SNX27: variants seen among roughly 807,000 people sequenced by gnomAD.
SNX27 encodes sorting nexin 27, also known as sorting nexin-27.
SNX27 carries 22 observed loss-of-function variants against 71.6 expected under a neutral mutation model. The observed-to-expected ratio is 0.31, with a 90% CI of 0.22 to 0.44. SNX27 has a LOEUF of 0.44. SNX27 is among the 20% of genes least tolerant of loss of function. The probability of loss-of-function intolerance (pLI) is 1.00; values close to 1 mark genes in which losing one functional copy is unlikely to be tolerated. For synonymous variants in SNX27, 269 were observed against 277.2 expected, an observed-to-expected ratio of 0.97 and a Z score of 0.29; for missense variants, 531 against 698.6, an observed-to-expected ratio of 0.76 and a Z score of 2.70.
At chr1:151,638,137 A>G (rs1405950527) in intron 1 of SNX27, among the ~76,000 whole-genome samples, 1 of 152,238 alleles carries the variant, frequency 6.6e-6, no homozygotes, top group Admixed American at 6.5e-5. Flanking sequence ...AACAGGAAGG[A>G]AAATTAGTAG....
chr1:151,681,235 C>CTTTTTTTATTTTTTTTTTTTTTTTTTT, intron 7 of SNX27, among the ~76,000 whole-genome samples: 1 of 60,700 alleles, frequency 1.6e-5, no homozygotes, highest in Admixed American at 2.2e-4. Context: ...GTCTCTCAAT[C>CTTTTTTTATTTTTTTTTTTTTTTTTTT]TTTTTTTTTT....
At chr1:151,644,924 T>C (rs1356946366) in intron 2 of SNX27, among the ~76,000 whole-genome samples, 3 of 152,028 alleles carry the variant, frequency 2.0e-5, no homozygotes, top group African/African-American at 7.2e-5. Flanking sequence ...TCAGCCCTCC[T>C]GAGTAGCTGG....
intron 2 of SNX27, among the ~76,000 whole-genome samples, chr1:151,650,947 G>A (rs1669308857): frequency 6.6e-6 from 1 of 152,180 alleles, no homozygotes. Context: ...GGATCCCAAG[G>A]CAGAAGAAGT....
At chr1:151,688,889 C>T (rs1671311258) in intron 8 of SNX27, among the ~76,000 whole-genome samples, 1 of 152,084 alleles carries the variant, frequency 6.6e-6, no homozygotes, top group African/African-American at 2.4e-5. Context: ...AATGTAGAGA[C>T]TGCCCACTTA....
chr1:151,688,130 T>C (rs764224104), intron 8 of SNX27, among the ~76,000 whole-genome samples: 5 of 152,124 alleles, frequency 3.3e-5, no homozygotes, highest in Non-Finnish European at 4.4e-5. Flanking sequence ...ACATAGTTAC[T>C]CAAAACTTAA....
At chr1:151,668,696 C>A in intron 7 of SNX27, 61 bp downstream of exon 7, 1 of 1,502,116 alleles carries the variant, frequency 6.7e-7, no homozygotes, top group South Asian at 1.3e-5. Context: ...ATAGTTGGTA[C>A]TTTGCCAATT....
chr1:151,648,236 G>A (rs975031108), intron 2 of SNX27, among the ~76,000 whole-genome samples: 1 of 151,906 alleles, frequency 6.6e-6, no homozygotes, highest in African/African-American at 2.4e-5. Flanking sequence ...TGTGTTTTTG[G>A]TAGAGATGGG....
chr1:151,683,325 C>G (rs1571868343), intron 7 of SNX27, 31 bp from the exon 8 acceptor site: 1 of 1,552,846 alleles, frequency 6.4e-7, no homozygotes, highest in African/African-American at 1.4e-5. Context: ...TTTTTACACT[C>G]CTTTCTGCTC....
chr1:151,619,556 T>C (rs1667577100), intron 1 of SNX27, among the ~76,000 whole-genome samples: 1 of 152,030 alleles, frequency 6.6e-6, no homozygotes, highest in African/African-American at 2.4e-5. Flanking sequence ...TTGCCTCGGC[T>C]TCCCAAAGTG....
intron 1 of SNX27, chr1:151,614,399 C>T: frequency 6.6e-6 from 1 of 152,532 alleles, no homozygotes. Context: ...TCTCGGCTCA[C>T]TGCAACCTCC....
rs1440807542 is a variant in SNX27 at position 151,637,862 on chromosome 1, TTAACTC to T, written c.312-1022_312-1017del. Among the ~76,000 whole-genome samples, 26 of 152,348 alleles carry T rather than the reference TTAACTC, an allele frequency of 1.7e-4. No homozygotes were observed. The Middle Eastern group carries it at 0.01, about 60-fold the overall frequency. On this transcript the variant is annotated intron_variant, in intron 1 of 11. Transcript: ENST00000458013. Reference sequence around the variant, plus strand: ...GTTTGGAACAGGACTGAAAAAGAATTTAACTCTAAAGGGTAGATAAGCTTTAAATGT... The same window carrying T: ...GTTTGGAACAGGACTGAAAAAGAATTTAAAGGGTAGATAAGCTTTAAATGT...
At chr1:151,624,471 G>A (rs59397509) in intron 1 of SNX27, among the ~76,000 whole-genome samples, 5 of 129,834 alleles carry the variant, frequency 3.9e-5, no homozygotes, top group African/African-American at 1.2e-4. Flanking sequence ...TTGCTCTGTC[G>A]CCCAGGCTGG....
Position 151,612,774 on chromosome 1 carries a change from C to T in SNX27, c.311+262C>T, listed in dbSNP as rs189859280. ...CGCCCCCAGTGCTCCTCCCTGTGCC[C>T]CGATTACTCTGGGCTCTTCTCCGCC... On this transcript the variant is annotated intron_variant, in intron 1 of 11. Coordinates refer to ENST00000458013, the MANE Select transcript of SNX27 (RefSeq NM_001330723.2). The surrounding 1 kb of genome is among the most constrained non-coding windows in gnomAD (Gnocchi z 5.2). Among the ~76,000 whole-genome samples, 44 of 152,266 alleles carry T rather than the reference C, an allele frequency of 2.9e-4. No individual in the cohort carries two copies. The highest frequency in any genetic ancestry group is 5.2e-4 in the Admixed American group (8 of 15,294).
intron 8 of SNX27, among the ~76,000 whole-genome samples, chr1:151,686,449 A>T (rs755512122): frequency 5.9e-5 from 9 of 152,222 alleles, no homozygotes; most frequent in Non-Finnish European, 7.3e-5. Flanking sequence ...TGATAGACAG[A>T]TATGTTTCCC....
intron 2 of SNX27, 72 bp from the exon 3 acceptor site, chr1:151,658,162 TA>T: frequency 1.4e-6 from 2 of 1,416,994 alleles, no homozygotes; most frequent in South Asian, 1.4e-5. Flanking sequence ...CAATATCATC[TA>T]AGCCTGACTA....
chr1:151,685,147 T>C (rs531816748), intron 8 of SNX27, among the ~76,000 whole-genome samples: 8 of 152,194 alleles, frequency 5.3e-5, no homozygotes, highest in Middle Eastern at 3.4e-3. Flanking sequence ...TTTGAGGTAC[T>C]TGTAAAGACA....
chr1:151,616,724 G>A (rs1430372366), intron 1 of SNX27, among the ~76,000 whole-genome samples: 1 of 152,148 alleles, frequency 6.6e-6, no homozygotes, highest in African/African-American at 2.4e-5. Context: ...GTAGATTTTG[G>A]TAATGTTTGA....
At chr1:151,688,788 G>T (rs1671307902) in intron 8 of SNX27, among the ~76,000 whole-genome samples, 1 of 152,044 alleles carries the variant, frequency 6.6e-6, no homozygotes, top group Admixed American at 6.6e-5. Flanking sequence ...TGTCACCCAG[G>T]TAGTAAGCAT....
intron 8 of SNX27, among the ~76,000 whole-genome samples, chr1:151,688,981 G>T (rs1195553016): frequency 6.6e-6 from 1 of 152,084 alleles, no homozygotes; most frequent in East Asian, 1.9e-4. Context: ...CTCACCAAGG[G>T]CACAGGTGCC....
Sources: gnomAD v4.1 joint callset for allele counts (sites outside exome capture counted in the v4.1 genomes callset) on GRCh38, gnomAD v4.1.1 for gene constraint, Gnocchi (gnomAD v3.1) non-coding constraint, MANE v1.5 for transcripts, NCBI Gene and HGNC (gene_info 2026-07-23, HGNC 2026-07-21) for gene names.